EIPR1: variants seen among roughly 807,000 people sequenced by gnomAD.
EIPR1 encodes EARP and GARP complex-interacting protein 1.
Under a neutral mutation model 48.1 loss-of-function variants are expected in EIPR1, and 25 were observed. The ratio of observed to expected loss-of-function variants is 0.52; its 90% CI spans 0.38 to 0.73. The LOEUF (loss-of-function observed/expected upper bound fraction) is 0.73, where lower values mean the gene tolerates loss of function less well. Among genes scored for constraint, EIPR1 ranks in the 30% least tolerant of loss-of-function variants. The pLI is 0.00. For missense variants in EIPR1, 415 were observed against 506.2 expected (o/e 0.82, Z 1.73); for synonymous variants, 204 against 201.9 (o/e 1.01, Z -0.09).
intron 4 of EIPR1, among the ~76,000 whole-genome samples, chr2:3,215,571 G>A (rs953547423): frequency 6.6e-5 from 10 of 152,198 alleles, no homozygotes; most frequent in Non-Finnish European, 1.2e-4. Context: ...CAACATGGTC[G>A]CAAATATGGA....
Position 3,364,803 on chromosome 2 carries a change from C to G in EIPR1, c.43-10170G>C, listed in dbSNP as rs561206973. 2.0e-5 allele frequency among the ~76,000 whole-genome samples: 3 copies of G among 152,192 alleles called. No individual in the cohort carries two copies. The South Asian group carries it at 6.2e-4, about 32-fold the overall frequency. On this transcript the variant is annotated intron_variant, in intron 1 of 8. Coordinates refer to ENST00000382125, the MANE Select transcript of EIPR1 (RefSeq NM_003310.5). Reference sequence around the variant, plus strand: ...GTAGATCTTCTGAAAATGGAGTAGACTGATGGTCACCAGAGACTGAGAAAA... The same window carrying G: ...GTAGATCTTCTGAAAATGGAGTAGAGTGATGGTCACCAGAGACTGAGAAAA...
At chr2:3,221,380 G>T (rs566860817) in intron 4 of EIPR1, among the ~76,000 whole-genome samples, 94 of 1,986 alleles carry the variant, frequency 0.047, 19 homozygotes, top group Non-Finnish European at 0.066. Flanking sequence ...ACAGTGAGTC[G>T]GGAACACACG....
chr2:3,230,154 T>TA (rs1306149842), intron 4 of EIPR1, among the ~76,000 whole-genome samples: 3 of 151,944 alleles, frequency 2.0e-5, no homozygotes, highest in African/African-American at 4.8e-5. Context: ...AAATTTTATT[T>TA]TTTTTTATTT....
intron 3 of EIPR1, among the ~76,000 whole-genome samples, chr2:3,260,625 AC>A (rs1184177475): frequency 1.3e-5 from 2 of 152,318 alleles, no homozygotes; most frequent in African/African-American, 2.4e-5. Flanking sequence ...CATATATCTG[AC>A]AAAAGGCCTG....
At chr2:3,249,799 CA>C (rs1666949118) in intron 4 of EIPR1, among the ~76,000 whole-genome samples, 2 of 152,220 alleles carry the variant, frequency 1.3e-5, no homozygotes, top group South Asian at 4.1e-4. Context: ...AGCCTCAGGA[CA>C]CTGCTCCCTG....
intron 3 of EIPR1, among the ~76,000 whole-genome samples, chr2:3,261,486 G>C (rs936333869): frequency 6.6e-6 from 1 of 152,144 alleles, no homozygotes; most frequent in Non-Finnish European, 1.5e-5. Context: ...TGCAACCCTA[G>C]GGCAGGTGTA....
chr2:3,222,205 G>A (rs1310355057), intron 4 of EIPR1, among the ~76,000 whole-genome samples: 1 of 152,238 alleles, frequency 6.6e-6, no homozygotes, highest in Non-Finnish European at 1.5e-5. Flanking sequence ...AGAAGAAAAT[G>A]GGTCATCTTA....
At chr2:3,345,556 C>T (rs188106166) in intron 2 of EIPR1, among the ~76,000 whole-genome samples, 47 of 151,094 alleles carry the variant, frequency 3.1e-4, no homozygotes, top group African/African-American at 1.1e-3. Context: ...AACTGGGAGG[C>T]AGAGGTTTTA....
At chr2:3,284,596 T>C (rs1668120078) in intron 3 of EIPR1, among the ~76,000 whole-genome samples, 1 of 152,272 alleles carries the variant, frequency 6.6e-6, no homozygotes. Context: ...CTTTGCATTC[T>C]TCAGCCCATC....
At chr2:3,284,339 C>T (rs1213824031) in intron 3 of EIPR1, among the ~76,000 whole-genome samples, 2 of 114,154 alleles carry the variant, frequency 1.8e-5, no homozygotes, top group Non-Finnish European at 3.7e-5. Flanking sequence ...AAGCTGGGCA[C>T]ATGGAGATGG....
chr2:3,242,921 G>A (rs1247723176), intron 4 of EIPR1, among the ~76,000 whole-genome samples: 7 of 152,142 alleles, frequency 4.6e-5, no homozygotes, highest in Non-Finnish European at 1.0e-4. Flanking sequence ...AGGAAACTCC[G>A]AGAATCACAC....
intron 4 of EIPR1, among the ~76,000 whole-genome samples, chr2:3,235,297 C>T (rs952943250): frequency 1.3e-5 from 2 of 152,264 alleles, no homozygotes; most frequent in African/African-American, 4.8e-5. Context: ...CAGCTCCTCC[C>T]TCTTCTTGGC....
At chr2:3,260,433 G>A (rs2103224692) in intron 3 of EIPR1, among the ~76,000 whole-genome samples, 1 of 145,008 alleles carries the variant, frequency 6.9e-6, no homozygotes, top group African/African-American at 2.5e-5. Context: ...GGAGGTTGCA[G>A]TGAGCTAAGA....
chr2:3,274,555 A>G (rs1667792271), intron 3 of EIPR1: 1 of 1,261,324 alleles, frequency 7.9e-7, no homozygotes, highest in Non-Finnish European at 1.0e-6. Context: ...ATTTACCTCC[A>G]AAAGCCTCAC....
intron 4 of EIPR1, among the ~76,000 whole-genome samples, chr2:3,235,649 C>CT (rs1354632272): frequency 6.6e-6 from 1 of 152,252 alleles, no homozygotes; most frequent in African/African-American, 2.4e-5. Flanking sequence ...TAATTCAACT[C>CT]TAAGTTTTTG....
chr2:3,293,814 C>T (rs748980770), intron 3 of EIPR1, among the ~76,000 whole-genome samples: 7 of 152,200 alleles, frequency 4.6e-5, no homozygotes, highest in Non-Finnish European at 1.5e-5. Context: ...TGATCACAGA[C>T]AATTTTGAAT....
intron 4 of EIPR1, among the ~76,000 whole-genome samples, chr2:3,220,343 G>A (rs1665836250): frequency 6.6e-6 from 1 of 151,814 alleles, no homozygotes; most frequent in Admixed American, 6.6e-5. Context: ...CGCACACAAT[G>A]GCCATGGTAC....
In EIPR1 at chr2:3,344,730, C is replaced by A. The variant is rs1246113577; in HGVS notation, c.127-6581G>T. Among the ~76,000 whole-genome samples, 9 of 149,164 alleles carry A rather than the reference C, an allele frequency of 6.0e-5. No individual in the cohort carries two copies. The East Asian group carries it at 1.8e-3, about 29-fold the overall frequency. ...CGATCTCGGCTCACTGCAACCTCCACCTCCCCAGTTCAAATGATTCTCCTG... is the reference window on the plus strand; with the variant it reads ...CGATCTCGGCTCACTGCAACCTCCAACTCCCCAGTTCAAATGATTCTCCTG... On this transcript the variant is annotated intron_variant, in intron 2 of 8. Coordinates refer to ENST00000382125, the MANE Select transcript of EIPR1 (RefSeq NM_003310.5).
At chr2:3,289,614 T>C (rs11127402) in intron 3 of EIPR1, among the ~76,000 whole-genome samples, 53,995 of 152,008 alleles carry the variant, frequency 0.36, 9,840 homozygotes, top group African/African-American at 0.41. Flanking sequence ...ATGTGCACCA[T>C]GTCTAAAATG....
Sources: gnomAD v4.1 joint callset for allele counts (sites outside exome capture counted in the v4.1 genomes callset) on GRCh38, gnomAD v4.1.1 for gene constraint, MANE v1.5 for transcripts, NCBI Gene and HGNC (gene_info 2026-07-23, HGNC 2026-07-21) for gene names.